The following ANKFN1 variants were observed in gnomAD, a reference collection of about 807,000 sequenced individuals.
The protein encoded by ANKFN1 is ankyrin repeat and fibronectin type III domain containing 1.
Under a neutral mutation model 108.7 loss-of-function variants are expected in ANKFN1, and 74 were observed. The observed-to-expected ratio is 0.68, with a 90% CI of 0.56 to 0.83. The LOEUF is 0.83. Among genes scored for constraint, ANKFN1 ranks in the 40% least tolerant of loss-of-function variants. The pLI is 0.00. For missense variants in ANKFN1, 1,505 were observed against 1,382.3 expected, an observed-to-expected ratio of 1.09 and a Z score of -1.41; for synonymous variants, 547 against 516.2, an observed-to-expected ratio of 1.06 and a Z score of -0.81.
At chr17:56,270,701 T>TA (rs1327968342) in intron 3 of ANKFN1, among the ~76,000 whole-genome samples, 2 of 152,200 alleles carry the variant, frequency 1.3e-5, no homozygotes, top group African/African-American at 2.4e-5. Context: ...CCTCAGCCCT[T>TA]ACGATTCTCC....
rs1348324659 is a variant in ANKFN1, at chr17:56,387,255, C to A, written c.910+12541C>A. Among the ~76,000 whole-genome samples, 4 of 151,768 alleles carry A rather than the reference C, an allele frequency of 2.6e-5. No homozygotes were observed. In the South Asian group the frequency reaches 8.3e-4, roughly 31 times the overall value. ...TATTTGAAACTTAATTTACTTGTTCCTTTATTTTTCTTGTTTTCTAATCCA... is the reference window on the plus strand; with the variant it reads ...TATTTGAAACTTAATTTACTTGTTCATTTATTTTTCTTGTTTTCTAATCCA... On this transcript the variant is annotated intron_variant, in intron 8 of 20. Coordinates refer to ENST00000682825, the MANE Select transcript of ANKFN1 (RefSeq NM_001370326.1).
chr17:56,226,194 T>C (rs754716577), intron 2 of ANKFN1, among the ~76,000 whole-genome samples: 2 of 152,138 alleles, frequency 1.3e-5, no homozygotes, highest in Admixed American at 6.6e-5. Flanking sequence ...TGAGATCTTG[T>C]TGGGTCAAAC....
chr17:56,386,458 A>G (rs2047273138), intron 8 of ANKFN1, among the ~76,000 whole-genome samples: 1 of 151,958 alleles, frequency 6.6e-6, no homozygotes, highest in African/African-American at 2.4e-5. Flanking sequence ...GTACCCTAAA[A>G]CTTAAAGTAT....
chr17:56,337,014 T>C (rs1383815101), intron 4 of ANKFN1, among the ~76,000 whole-genome samples: 2 of 152,192 alleles, frequency 1.3e-5, no homozygotes, highest in Non-Finnish European at 2.9e-5. Context: ...TTTGTTCCCA[T>C]GTAGTTGTGC....
intron 3 of ANKFN1, among the ~76,000 whole-genome samples, chr17:56,255,168 C>T (rs900153875): frequency 1.3e-5 from 2 of 152,184 alleles, no homozygotes; most frequent in African/African-American, 4.8e-5. Flanking sequence ...TTTATGCCAG[C>T]CCTGTGTTGA....
intron 1 of ANKFN1, among the ~76,000 whole-genome samples, chr17:56,167,251 GTA>G (rs1466545791): frequency 1.9e-4 from 23 of 118,612 alleles, no homozygotes; most frequent in Middle Eastern, 4.4e-3. Context: ...GTGTATATAT[GTA>G]TGTGTGTGTA....
chr17:56,421,468 C>A (rs2145056528), intron 8 of ANKFN1, among the ~76,000 whole-genome samples: 2 of 152,232 alleles, frequency 1.3e-5, no homozygotes, highest in African/African-American at 4.8e-5. Flanking sequence ...GGGCACAAAC[C>A]CAAACCAATG....
intron 4 of ANKFN1, among the ~76,000 whole-genome samples, chr17:56,055,776 T>A (rs1904866514): frequency 6.6e-6 from 1 of 151,086 alleles, no homozygotes; most frequent in Non-Finnish European, 1.5e-5. Context: ...GTAGTTCTAT[T>A]TTTAGTTCTT....
chr17:56,510,989 C>A lies in ANKFN1; in HGVS notation c.3161C>A (p.Ala1054Asp). The change falls in exon 21 of 21, where the codon GCC (alanine) becomes GAC (aspartate). Residue 1054 changes from alanine to aspartate, a missense_variant. By Grantham distance (126) the Ala-to-Asp change is moderately radical. Coordinates refer to ENST00000682825, the MANE Select transcript of ANKFN1 (RefSeq NM_001370326.1). ...CAGGAGCCCAAGGAGGCCAAGCGGG[C>A]CGGCCCTGCCCTTGATGATCCCAGG... ...LAQEPKEAKR[A>D]GPALDDPRGL... 2 of 1,535,958 alleles carry A rather than the reference C, an allele frequency of 1.3e-6. No homozygotes were observed. Among genetic ancestry groups the A allele is most frequent in the Non-Finnish European group, 1.7e-6 (2 of 1,146,838 alleles).
At chr17:56,213,748 G>T (rs904501174) in intron 2 of ANKFN1, among the ~76,000 whole-genome samples, 2 of 152,182 alleles carry the variant, frequency 1.3e-5, no homozygotes, top group Non-Finnish European at 2.9e-5. Context: ...TGGGATTTCA[G>T]TCCACATAAC....
At chr17:56,068,760 A>G (rs1488694689) in intron 4 of ANKFN1, among the ~76,000 whole-genome samples, 2 of 152,206 alleles carry the variant, frequency 1.3e-5, no homozygotes, top group Non-Finnish European at 2.9e-5. Flanking sequence ...ACATGAGACA[A>G]TGAGTTCTTT....
chr17:56,075,595 A>T (rs1369420821), intron 4 of ANKFN1, among the ~76,000 whole-genome samples: 1 of 152,146 alleles, frequency 6.6e-6, no homozygotes, highest in Non-Finnish European at 1.5e-5. Flanking sequence ...AGGTAGAAAG[A>T]ATCAATGTTC....
intron 8 of ANKFN1, among the ~76,000 whole-genome samples, chr17:56,415,871 G>A (rs979579137): frequency 6.6e-6 from 1 of 152,216 alleles, no homozygotes; most frequent in African/African-American, 2.4e-5. Flanking sequence ...CAGACACATA[G>A]ACCAATGGAA....
At chr17:56,415,184 A>G (rs1430399807) in intron 8 of ANKFN1, among the ~76,000 whole-genome samples, 5 of 152,220 alleles carry the variant, frequency 3.3e-5, no homozygotes, top group Admixed American at 1.3e-4. Flanking sequence ...GTTATTCAGC[A>G]TAGTACTGGA....
chr17:56,069,578 A>T (rs1905097412), intron 4 of ANKFN1, among the ~76,000 whole-genome samples: 1 of 152,140 alleles, frequency 6.6e-6, no homozygotes, highest in Admixed American at 6.5e-5. Context: ...TTTGGAGGGT[A>T]TGTTTGTTTC....
At chr17:56,443,580 A>T (rs2049186930) in intron 10 of ANKFN1, among the ~76,000 whole-genome samples, 1 of 152,158 alleles carries the variant, frequency 6.6e-6, no homozygotes, top group East Asian at 1.9e-4. Context: ...ATGAAAGCTA[A>T]CAAATCTTAC....
intron 1 of ANKFN1, among the ~76,000 whole-genome samples, chr17:56,189,374 T>G (rs113966136): frequency 2.0e-5 from 3 of 149,452 alleles, no homozygotes; most frequent in Non-Finnish European, 4.4e-5. Flanking sequence ...GTTTCACCGT[T>G]TTAGCCAGGA....
At chr17:56,468,014 T>A (rs1272769904) in intron 15 of ANKFN1, among the ~76,000 whole-genome samples, 1 of 152,172 alleles carries the variant, frequency 6.6e-6, no homozygotes, top group African/African-American at 2.4e-5. Context: ...TTTGCTTTCA[T>A]AACTTTGTGT....
At chr17:56,306,141 C>T (rs1457269923) in intron 3 of ANKFN1, among the ~76,000 whole-genome samples, 4 of 152,232 alleles carry the variant, frequency 2.6e-5, no homozygotes, top group East Asian at 1.9e-4. Flanking sequence ...TATTCTGGTT[C>T]GTTTGCCTTT....
Sources: gnomAD v4.1 joint callset for allele counts (sites outside exome capture counted in the v4.1 genomes callset) on GRCh38, gnomAD v4.1.1 for gene constraint, MANE v1.5 for transcripts, NCBI Gene and HGNC (gene_info 2026-07-23, HGNC 2026-07-21) for gene names.